The following FBLN1 variants were observed in gnomAD, a reference collection of about 807,000 sequenced individuals.
FBLN1 encodes the protein fibulin-1.
A neutral mutation model predicts 89.7 loss-of-function variants in FBLN1; 34 were observed. The observed-to-expected ratio is 0.38, with a 90% CI of 0.29 to 0.50. The LOEUF (loss-of-function observed/expected upper bound fraction) is 0.50. Ranked by LOEUF, FBLN1 falls within the 20% of genes least tolerant of loss-of-function variation. The pLI, the probability that FBLN1 is intolerant of heterozygous loss-of-function variation, is 0.92. For synonymous variants in FBLN1, 393 were observed against 391.3 expected, an observed-to-expected ratio of 1.00 and a Z score of -0.05; for missense variants, 777 against 988.1, an observed-to-expected ratio of 0.79 and a Z score of 2.86.
At chr22:45,505,698 C>G (rs1191729481) in intron 1 of FBLN1, among the ~76,000 whole-genome samples, 1 of 152,192 alleles carries the variant, frequency 6.6e-6, no homozygotes, top group Non-Finnish European at 1.5e-5. Flanking sequence ...CAAAAACCTA[C>G]TTAGGTTGTC....
At chr22:45,555,953 TG>T (rs1289412350) in intron 14 of FBLN1, among the ~76,000 whole-genome samples, 18 of 152,240 alleles carry the variant, frequency 1.2e-4, no homozygotes, top group Non-Finnish European at 2.1e-4. Flanking sequence ...AAGTCATTTT[TG>T]TTAGTACAAG....
chr22:45,529,079 C>A (rs964864093), intron 4 of FBLN1, among the ~76,000 whole-genome samples: 2 of 152,202 alleles, frequency 1.3e-5, no homozygotes, highest in Non-Finnish European at 2.9e-5. Context: ...CTTCAGCTGC[C>A]CGGGGCAGCA....
rs1436277793 is a variant in FBLN1 at position 45,537,191 on chromosome 22, G to C, written c.922+1854G>C. Among the ~76,000 whole-genome samples, 2 of 152,296 alleles carry C rather than the reference G, an allele frequency of 1.3e-5. No homozygotes were observed. The highest frequency in any genetic ancestry group is 2.1e-4 in the South Asian group (1 of 4,826). On this transcript the variant is annotated intron_variant, in intron 8 of 16. Coordinates refer to ENST00000327858, the MANE Select transcript of FBLN1 (RefSeq NM_006486.3). This position sits in a 1 kb window ranked among gnomAD's most constrained non-coding sequence, Gnocchi z 5.7. ...ACCTCTCCCCTGCCATGAGCAAGGGGGTATACATTTCCATCTTGCTTCGAT... is the reference window on the plus strand; with the variant it reads ...ACCTCTCCCCTGCCATGAGCAAGGGCGTATACATTTCCATCTTGCTTCGAT...
chr22:45,562,173 C>G lies in FBLN1; in HGVS notation c.1697+11558C>G, dbSNP rs1484006362. Among the ~76,000 whole-genome samples the G allele has an allele frequency of 6.6e-6, 1 of 152,168 alleles. No individual in the cohort carries two copies. The highest frequency in any genetic ancestry group is 2.4e-5 in the African/African-American group (1 of 41,436). ...AGTTAGGACCCATCCCTGTCTCCACCCAGGAAGTTAGGACCTGTCTCTGTT... is the reference window on the plus strand; with the variant it reads ...AGTTAGGACCCATCCCTGTCTCCACGCAGGAAGTTAGGACCTGTCTCTGTT... On this transcript the variant is annotated intron_variant, in intron 14 of 16. Transcript: ENST00000327858. This position sits in a 1 kb window ranked among gnomAD's most constrained non-coding sequence, Gnocchi z 7.8.
Position 45,532,017 on chromosome 22 carries a change from A to G in FBLN1, c.544+693A>G, listed in dbSNP as rs889239944. ...TAAGGGCCTCGCAGGTTTGTTTTTC[A>G]TATGATAAAACTGCTTTTCTTTCAT... On this transcript the variant is annotated intron_variant, in intron 5 of 16. Transcript: ENST00000327858. This position sits in a 1 kb window ranked among gnomAD's most constrained non-coding sequence, Gnocchi z 4.2. Among the ~76,000 whole-genome samples, 50 of 152,328 alleles carry G rather than the reference A, an allele frequency of 3.3e-4. No homozygotes were observed. The highest frequency in any genetic ancestry group is 9.6e-4 in the African/African-American group (40 of 41,572).
chr22:45,572,337 C>T lies in FBLN1; in HGVS notation c.1698-2174C>T, dbSNP rs2088959031. ...GGAGCCAACTTCATTTTCCCTCTGG[C>T]AAGAGATGGGAAAATTTGAGTTTCA... On this transcript the variant is annotated intron_variant, in intron 14 of 16. Transcript: ENST00000327858. This position sits in a 1 kb window ranked among gnomAD's most constrained non-coding sequence, Gnocchi z 5.8. Among the ~76,000 whole-genome samples, 1 of 152,054 alleles carries T rather than the reference C, an allele frequency of 6.6e-6. No individual in the cohort carries two copies. The highest frequency in any genetic ancestry group is 1.5e-5 in the Non-Finnish European group (1 of 68,024).
intron 9 of FBLN1, 44 bp downstream of exon 9, chr22:45,541,416 C>T (rs1275550502): frequency 1.2e-6 from 2 of 1,612,408 alleles, no homozygotes; most frequent in Admixed American, 1.7e-5. Flanking sequence ...TTCCTGTCTG[C>T]TTCCAGCATG....
chr22:45,512,566 G>A (rs570609678), intron 1 of FBLN1, among the ~76,000 whole-genome samples: 12 of 152,132 alleles, frequency 7.9e-5, no homozygotes, highest in Admixed American at 6.5e-4. Flanking sequence ...ATGGGGCAGC[G>A]AAGCTCAGGA....
intron 16 of FBLN1, among the ~76,000 whole-genome samples, chr22:45,589,915 G>A (rs1215598128): frequency 6.6e-6 from 1 of 152,176 alleles, no homozygotes; most frequent in African/African-American, 2.4e-5. Context: ...CGTTGGGGAA[G>A]CTTCCATGAC....
chr22:45,594,697 GA>G (rs2089168583), intron 16 of FBLN1, among the ~76,000 whole-genome samples: 4 of 118,168 alleles, frequency 3.4e-5, no homozygotes, highest in Non-Finnish European at 6.4e-5. Context: ...TTGGTGGATA[GA>G]TGGATGGATG....
intron 16 of FBLN1, among the ~76,000 whole-genome samples, chr22:45,596,943 TA>T (rs2089192643): frequency 6.7e-6 from 1 of 149,684 alleles, no homozygotes; most frequent in African/African-American, 2.4e-5. Context: ...TTTATATGTA[TA>T]ATAGTTATAT....
chr22:45,514,326 T>A (rs2088141045), intron 1 of FBLN1, among the ~76,000 whole-genome samples: 1 of 152,160 alleles, frequency 6.6e-6, no homozygotes, highest in Non-Finnish European at 1.5e-5. Flanking sequence ...GATAGTACTT[T>A]TGTTGGCATC....
At chr22:45,586,638 TGGTCCCCAC>T (rs1314041073) in intron 16 of FBLN1, among the ~76,000 whole-genome samples, 1 of 152,220 alleles carries the variant, frequency 6.6e-6, no homozygotes, top group East Asian at 1.9e-4. Context: ...CGTGCCTGCT[TGGTCCCCAC>T]GGACACATGC....
intron 14 of FBLN1, chr22:45,551,137 C>T (rs2088696131): frequency 1.3e-5 from 3 of 235,828 alleles, no homozygotes; most frequent in African/African-American, 6.7e-5. Context: ...AAACGTGGGG[C>T]TGCGTGCCCC....
Position 45,585,774 on chromosome 22 carries a change from G to A in FBLN1, c.1972+8666G>A, listed in dbSNP as rs557681442. ...GAGGGTGTCTCAGAGACTGGGAGAT[G>A]GAAGGAGAACACACACCTTTTCTGC... On this transcript the variant is annotated intron_variant, in intron 16 of 16. Transcript: ENST00000327858. 2.6e-4 allele frequency among the ~76,000 whole-genome samples: 40 copies of A among 152,274 alleles called. No individual in the cohort carries two copies. The South Asian group carries it at 8.3e-3, about 32-fold the overall frequency.
intron 2 of FBLN1, among the ~76,000 whole-genome samples, chr22:45,522,320 C>G (rs2088262468): frequency 6.6e-6 from 1 of 152,200 alleles, no homozygotes; most frequent in Non-Finnish European, 1.5e-5. Context: ...TTCTGTGAGG[C>G]TCACCAGCTG....
chr22:45,590,329 G>A lies in FBLN1; in HGVS notation c.1973-9978G>A, dbSNP rs1331570544. Among the ~76,000 whole-genome samples, 1 of 152,226 alleles carries A rather than the reference G, an allele frequency of 6.6e-6. No individual in the cohort carries two copies. Among genetic ancestry groups the A allele is most frequent in the African/African-American group, 2.4e-5 (1 of 41,462 alleles). ...GACTTGGCCCCTCTGGTGTGCCCACGTCTTTGAGTGAAGTTGGCAAGACTT... is the reference window on the plus strand; with the variant it reads ...GACTTGGCCCCTCTGGTGTGCCCACATCTTTGAGTGAAGTTGGCAAGACTT... On this transcript the variant is annotated intron_variant, in intron 16 of 16. Transcript: ENST00000327858. This position sits in a 1 kb window ranked among gnomAD's most constrained non-coding sequence, Gnocchi z 4.1.
intron 14 of FBLN1, among the ~76,000 whole-genome samples, chr22:45,570,858 G>A (rs547895502): frequency 1.3e-5 from 2 of 152,274 alleles, no homozygotes; most frequent in South Asian, 4.1e-4. Context: ...GCCGGGTGTG[G>A]TGGCTCATAC....
intron 5 of FBLN1, 44 bp from the exon 6 acceptor site, chr22:45,533,019 G>A (rs1386419490): frequency 1.3e-6 from 2 of 1,560,030 alleles, no homozygotes; most frequent in South Asian, 2.2e-5. Context: ...ACCAGGCGGT[G>A]CCTGGGTGCG....
Sources: gnomAD v4.1 joint callset for allele counts (sites outside exome capture counted in the v4.1 genomes callset) on GRCh38, gnomAD v4.1.1 for gene constraint, Gnocchi (gnomAD v3.1) non-coding constraint, MANE v1.5 for transcripts, NCBI Gene and HGNC (gene_info 2026-07-23, HGNC 2026-07-21) for gene names.